CHD8: variants seen among roughly 807,000 people sequenced by gnomAD.
CHD8 encodes the protein chromodomain helicase DNA binding protein 8.
CHD8 carries 31 observed loss-of-function variants against 279.2 expected under a neutral mutation model. The ratio of observed to expected loss-of-function variants is 0.11; its 90% CI spans 0.08 to 0.15. The LOEUF is 0.15. CHD8 is among the 10% of genes least tolerant of loss of function. CHD8 has a pLI of 1.00. For synonymous variants in CHD8, 1,081 were observed against 1,139.6 expected (o/e 0.95, Z 1.04); for missense variants, 2,146 against 3,230.5 (o/e 0.66, Z 8.14).
intron 1 of CHD8, among the ~76,000 whole-genome samples, chr14:21,442,013 G>A (rs183233256): frequency 6.6e-6 from 1 of 152,254 alleles, no homozygotes; most frequent in African/African-American, 2.4e-5. Context: ...GATAGATTTT[G>A]AGAGTTATTA....
In CHD8 at chr14:21,431,851, T is replaced by C. The variant is rs1889577669; in HGVS notation, c.-208A>G. 6.2e-7 allele frequency: 1 copy of C among 1,608,580 alleles called. No individual in the cohort carries two copies. Among genetic ancestry groups the C allele is most frequent in the African/African-American group, 1.3e-5 (1 of 74,810 alleles). On this transcript the variant is annotated 5_prime_UTR_variant, in exon 2 of 38. Transcript: ENST00000646647. ...TGGCTACGTCTTCAGAGGAAGATGG[T>C]GGAACTCCTGTTGTAGGAATACAAA... is the stretch of plus-strand genomic sequence containing the variant.
intron 1 of CHD8, among the ~76,000 whole-genome samples, chr14:21,444,507 C>T (rs960930876): frequency 6.6e-6 from 1 of 152,086 alleles, no homozygotes; most frequent in Non-Finnish European, 1.5e-5. Flanking sequence ...TGGCTTTGGT[C>T]AGCCTAAGCC....
rs1441416598 is a variant in CHD8, at chr14:21,405,893, A to G, written c.2908-29T>C. 6.3e-7 allele frequency: 1 copy of G among 1,588,678 alleles called. No homozygotes were observed. Among genetic ancestry groups the G allele is most frequent in the Non-Finnish European group, 8.6e-7 (1 of 1,168,038 alleles). Reference sequence around the variant, plus strand: ...GAAATGGAGGAAACAAAAGAATAAAATTTAAAAACATGAAGGACTTCTGGG... The same window carrying G: ...GAAATGGAGGAAACAAAAGAATAAAGTTTAAAAACATGAAGGACTTCTGGG... On this transcript the variant is annotated intron_variant, in intron 14 of 37. Coordinates refer to ENST00000646647, the MANE Select transcript of CHD8 (RefSeq NM_001170629.2). The surrounding 1 kb of genome is among the most constrained non-coding windows in gnomAD (Gnocchi z 4.2).
intron 5 of CHD8, among the ~76,000 whole-genome samples, chr14:21,417,898 C>T (rs866984430): frequency 1.0e-4 from 14 of 138,616 alleles, no homozygotes; most frequent in African/African-American, 3.3e-4. Flanking sequence ...TATATATATA[C>T]ACACACACAC....
intron 37 of CHD8, among the ~76,000 whole-genome samples, chr14:21,389,961 G>C (rs1025892488): frequency 6.6e-6 from 1 of 152,064 alleles, no homozygotes; most frequent in African/African-American, 2.4e-5. Context: ...AAGGCCGAGT[G>C]CGGTGGCTGA....
At chr14:21,394,800 A>T in intron 30 of CHD8, 112 bp downstream of exon 30, 1 of 1,171,308 alleles carries the variant, frequency 8.5e-7, no homozygotes, top group Admixed American at 2.3e-5. Context: ...CCCAAGGCAG[A>T]AAAGATGGTC....
chr14:21,432,482 T>C (rs899352442), intron 1 of CHD8, among the ~76,000 whole-genome samples: 2 of 152,222 alleles, frequency 1.3e-5, no homozygotes, highest in Non-Finnish European at 2.9e-5. Context: ...TTCTCATATT[T>C]AAGATAAAAA....
At position 21,392,082 on chromosome 14, in the gene CHD8, G is replaced by A. The variant is rs1046695507; in HGVS notation, c.6772-136C>T. ...GAGAAGGAAGGCCATCTGACTAAAG[G>A]GTAAAATTAGAAATACAAGAAAACA... On this transcript the variant is annotated intron_variant, in intron 34 of 37. Coordinates refer to ENST00000646647, the MANE Select transcript of CHD8 (RefSeq NM_001170629.2). 1.4e-5 allele frequency: 11 copies of A among 775,072 alleles called. No individual in the cohort carries two copies. The African/African-American group carries it at 1.9e-4, about 13-fold the overall frequency. The allele number at this position is 775,072 out of a possible 1,614,324, so 48.0% of individuals were successfully genotyped here. A position where few individuals can be genotyped will look rare whatever the true frequency, so the allele number is the denominator to read the frequency against.
chr14:21,425,839 GGC>G (rs1889290583), intron 5 of CHD8: 1 of 304,106 alleles, frequency 3.3e-6, no homozygotes, highest in African/African-American at 2.2e-5. Context: ...GGGAGGCTAA[GGC>G]AGGATAATCG....
intron 5 of CHD8, among the ~76,000 whole-genome samples, chr14:21,419,324 C>T (rs375217698): frequency 1.3e-5 from 2 of 152,176 alleles, no homozygotes; most frequent in East Asian, 1.9e-4. Flanking sequence ...TTCGGGAGGC[C>T]GAGGCGGGCA....
intron 1 of CHD8, among the ~76,000 whole-genome samples, chr14:21,432,391 G>C (rs1436709174): frequency 6.6e-6 from 1 of 152,100 alleles, no homozygotes; most frequent in Non-Finnish European, 1.5e-5. Context: ...ATTTTACCCA[G>C]GAAGTTTTGC....
intron 1 of CHD8, among the ~76,000 whole-genome samples, chr14:21,449,291 T>C (rs371148266): frequency 1.3e-5 from 2 of 152,348 alleles, no homozygotes. Flanking sequence ...AGTCTTTTTT[T>C]ATTTTCCCTG....
intron 36 of CHD8, 45 bp downstream of exon 36, chr14:21,391,418 C>A (rs769747330): frequency 1.3e-6 from 2 of 1,575,440 alleles, no homozygotes; most frequent in Middle Eastern, 1.7e-4. Context: ...AGCTTAAATA[C>A]CAAAGGAATG....
intron 28 of CHD8, 109 bp from the exon 29 acceptor site, chr14:21,395,461 A>G (rs1421261052): frequency 1.4e-6 from 1 of 723,994 alleles, no homozygotes; most frequent in African/African-American, 1.8e-5. Context: ...CCAAGGGATC[A>G]AGAAAAACTT....
chr14:21,442,059 C>T (rs1566454184), intron 1 of CHD8, among the ~76,000 whole-genome samples: 1 of 152,168 alleles, frequency 6.6e-6, no homozygotes, highest in Non-Finnish European at 1.5e-5. Flanking sequence ...GGAGATTACC[C>T]AGGGAATGTG....
At position 21,456,027 on chromosome 14, in the gene CHD8, C is replaced by G. The variant is rs979366211; in HGVS notation, c.-216+5G>C. On this transcript the variant is annotated splice_donor_5th_base_variant and intron_variant, in intron 1 of 37. Coordinates refer to ENST00000646647, the MANE Select transcript of CHD8 (RefSeq NM_001170629.2). ...CTGAGGAGCGGGTGCGAGCGGGAAG[C>G]CTACCTGTGCAAGTCCTGGTACTTC... The G allele has an allele frequency of 1.3e-5, 2 of 152,368 alleles. No homozygotes were observed. The highest frequency in any genetic ancestry group is 4.8e-5 in the African/African-American group (2 of 41,424). The allele number at this position is 152,368 out of a possible 1,614,324, so 9.4% of individuals were successfully genotyped here.
rs1421503505 is a variant in CHD8, at chr14:21,408,710, T to C, written c.2480A>G (p.Tyr827Cys). 1 of 1,611,008 alleles carries C rather than the reference T, an allele frequency of 6.2e-7. No homozygotes were observed. The highest frequency in any genetic ancestry group is 2.2e-5 in the East Asian group (1 of 44,824). The change falls in exon 12 of 38, where the codon TAT becomes TGT. Residue 827 changes from tyrosine to cysteine, a missense_variant. This residue lies in a region of CHD8 where 211 missense variants were observed against 464.7 expected (regional missense o/e 0.45). Coordinates refer to ENST00000646647, the MANE Select transcript of CHD8 (RefSeq NM_001170629.2). The surrounding 1 kb of genome is among the most constrained non-coding windows in gnomAD (Gnocchi z 4.3). ...GGCCCATTCTTTCCTTTACCTGTTA[T>C]ACCAATTAAAGAGCAGCCAATTAAC... ...EGVNWLLFNW[Y>C]NRQNCILADE...
In CHD8 at chr14:21,428,116, A is replaced by G. The variant is rs891509031; in HGVS notation, c.1354T>C (p.Leu452=). The part of the protein sequence containing the change: ...GKTGMEENRR[L]EHQKKQEKAN... Reference sequence around the variant, plus strand: ...TTCTCTTGCTTCTTCTGGTGTTCCAATCTGCGGTTTTCCTCCATTCCTGTC... The same window carrying G: ...TTCTCTTGCTTCTTCTGGTGTTCCAGTCTGCGGTTTTCCTCCATTCCTGTC... The change falls in exon 4 of 38, where the codon TTG becomes CTG. Residue 452 remains leucine (L), a synonymous_variant. Coordinates refer to ENST00000646647, the MANE Select transcript of CHD8 (RefSeq NM_001170629.2). 1.9e-6 allele frequency: 3 copies of G among 1,613,794 alleles called. No homozygotes were observed. The highest frequency in any genetic ancestry group is 2.2e-5 in the East Asian group (1 of 44,896).
At chr14:21,454,199 A>AAAGAG in intron 1 of CHD8, among the ~76,000 whole-genome samples, 1 of 150,796 alleles carries the variant, frequency 6.6e-6, no homozygotes, top group Non-Finnish European at 1.5e-5. Flanking sequence ...AAAGAAAAGA[A>AAAGAG]AAGAAAAGAA....
Sources: allele counts gnomAD v4.1 joint callset (sites outside exome capture counted in the v4.1 genomes callset), GRCh38; gene constraint gnomAD v4.1.1; regional missense constraint gnomAD v4.1.1; non-coding constraint Gnocchi (gnomAD v3.1); transcripts MANE v1.5; gene names NCBI Gene and HGNC (gene_info 2026-07-23, HGNC 2026-07-21).